RPS6KA2: variants seen among roughly 807,000 people sequenced by gnomAD.
RPS6KA2 encodes the protein ribosomal protein S6 kinase alpha-2.
RPS6KA2 carries 42 observed loss-of-function variants against 91.8 expected under a neutral mutation model. The ratio of observed to expected loss-of-function variants is 0.46; its 90% confidence interval spans 0.36 to 0.59. The LOEUF (loss-of-function observed/expected upper bound fraction) is 0.59, where lower values mean the gene tolerates loss of function less well. Ranked by LOEUF, RPS6KA2 falls within the 20% of genes least tolerant of loss-of-function variation. The probability of loss-of-function intolerance (pLI) is 0.00; values close to 1 mark genes in which losing one functional copy is unlikely to be tolerated. For synonymous variants in RPS6KA2, 414 were observed against 393.6 expected (o/e 1.05, Z -0.61); for missense variants, 798 against 978.5 (o/e 0.82, Z 2.46).
chr6:166,739,834 G>A (rs1003722121), intron 2 of RPS6KA2, among the ~76,000 whole-genome samples: 5 of 152,214 alleles, frequency 3.3e-5, no homozygotes, highest in African/African-American at 4.8e-5. Flanking sequence ...TCGTGGTCCC[G>A]TGGTATCAGG....
chr6:166,722,549 C>T (rs78971160), intron 2 of RPS6KA2, among the ~76,000 whole-genome samples: 1 of 152,170 alleles, frequency 6.6e-6, no homozygotes, highest in Non-Finnish European at 1.5e-5. Flanking sequence ...ACTTCCAAGA[C>T]TGGTGGCTGC....
chr6:166,635,087 C>T lies in RPS6KA2; in HGVS notation c.124-96303G>A, dbSNP rs963323868. Among the ~76,000 whole-genome samples the T allele has an allele frequency of 1.3e-5, 2 of 152,298 alleles. No homozygotes were observed. Among genetic ancestry groups the T allele is most frequent in the African/African-American group, 4.8e-5 (2 of 41,534 alleles). ...AAGACTTGTGATAACGGAGAGCCAACGGTAGTACGTGAAAGTGACCGTGTG... is the reference window on the plus strand; with the variant it reads ...AAGACTTGTGATAACGGAGAGCCAATGGTAGTACGTGAAAGTGACCGTGTG... On this transcript the variant is annotated intron_variant, in intron 2 of 21. Transcript: ENST00000503859. This position sits in a 1 kb window ranked among gnomAD's most constrained non-coding sequence, Gnocchi z 4.8.
At chr6:166,632,909 C>G (rs1393122479) in intron 2 of RPS6KA2, among the ~76,000 whole-genome samples, 2 of 152,092 alleles carry the variant, frequency 1.3e-5, no homozygotes, top group Non-Finnish European at 2.9e-5. Context: ...AACGTGGACT[C>G]AACATGGGCG....
At chr6:166,723,627 G>T (rs376141704) in intron 2 of RPS6KA2, among the ~76,000 whole-genome samples, 3 of 152,012 alleles carry the variant, frequency 2.0e-5, no homozygotes, top group Non-Finnish European at 4.4e-5. Flanking sequence ...AATAAAGTCC[G>T]AACTAACTCT....
intron 2 of RPS6KA2, among the ~76,000 whole-genome samples, chr6:166,772,724 C>T (rs1404013009): frequency 6.6e-6 from 1 of 152,212 alleles, no homozygotes. Context: ...CGCTACTAAG[C>T]CCGGCTGTCG....
At chr6:166,565,904 C>A (rs1443546315) in intron 1 of RPS6KA2, among the ~76,000 whole-genome samples, 2 of 152,214 alleles carry the variant, frequency 1.3e-5, no homozygotes, top group Non-Finnish European at 2.9e-5. Context: ...GCCAGCACTG[C>A]CAGGCAGCGA....
At chr6:166,846,548 G>C (rs9366064) in intron 2 of RPS6KA2, among the ~76,000 whole-genome samples, 112,629 of 152,164 alleles carry the variant, frequency 0.74, 42,786 homozygotes, top group Non-Finnish European at 0.83. Context: ...TGCAGGGATG[G>C]TTTAACATCC....
At chr6:166,636,288 C>A (rs1787239734) in intron 2 of RPS6KA2, among the ~76,000 whole-genome samples, 1 of 152,096 alleles carries the variant, frequency 6.6e-6, no homozygotes, top group Non-Finnish European at 1.5e-5. Flanking sequence ...CAGTACCTCC[C>A]TGCAGAGGCC....
chr6:166,665,564 C>T lies in RPS6KA2; in HGVS notation c.124-126780G>A, dbSNP rs1281951196. ...CAGGAAAGAACAAAGGGACAGCAGCCAGGGCACAGATGCAAACTACTTTCA... is the reference window on the plus strand; with the variant it reads ...CAGGAAAGAACAAAGGGACAGCAGCTAGGGCACAGATGCAAACTACTTTCA... On this transcript the variant is annotated intron_variant, in intron 2 of 21. Coordinates refer to the RPS6KA2 transcript ENST00000503859. This position sits in a 1 kb window ranked among gnomAD's most constrained non-coding sequence, Gnocchi z 4.5. 1.3e-5 allele frequency among the ~76,000 whole-genome samples: 2 copies of T among 152,150 alleles called. No homozygotes were observed. The highest frequency in any genetic ancestry group is 3.9e-4 in the East Asian group (2 of 5,186).
At chr6:166,804,774 T>G (rs1779450123) in intron 2 of RPS6KA2, among the ~76,000 whole-genome samples, 1 of 152,004 alleles carries the variant, frequency 6.6e-6, no homozygotes, top group Non-Finnish European at 1.5e-5. Context: ...TAAAATTTAT[T>G]CTCTTTTTGA....
At chr6:166,710,567 T>G (rs1562395432) in intron 2 of RPS6KA2, among the ~76,000 whole-genome samples, 1 of 152,050 alleles carries the variant, frequency 6.6e-6, no homozygotes, top group Non-Finnish European at 1.5e-5. Context: ...TCTGTGTGTG[T>G]GTCTATGCCA....
At chr6:166,816,664 T>G (rs989209944) in intron 2 of RPS6KA2, among the ~76,000 whole-genome samples, 1 of 152,190 alleles carries the variant, frequency 6.6e-6, no homozygotes, top group African/African-American at 2.4e-5. Flanking sequence ...ACAGAATGAC[T>G]CAGTTGTTAC....
At chr6:166,598,830 T>G (rs1785631332) in intron 1 of RPS6KA2, among the ~76,000 whole-genome samples, 1 of 152,236 alleles carries the variant, frequency 6.6e-6, no homozygotes, top group South Asian at 2.1e-4. Flanking sequence ...ACCTCCCTTC[T>G]TTCCTGCCTC....
At chr6:166,798,484 G>C (rs897920110) in intron 2 of RPS6KA2, among the ~76,000 whole-genome samples, 8 of 152,228 alleles carry the variant, frequency 5.3e-5, no homozygotes, top group Non-Finnish European at 8.8e-5. Flanking sequence ...TCCCCAGGGA[G>C]CCCCAAACAG....
intron 2 of RPS6KA2, among the ~76,000 whole-genome samples, chr6:166,819,607 G>A (rs1035308298): frequency 6.6e-6 from 1 of 152,004 alleles, no homozygotes; most frequent in African/African-American, 2.4e-5. Context: ...GGCACAGTAT[G>A]AGTATACTAT....
chr6:166,508,622 T>A lies in RPS6KA2; in HGVS notation c.380-340A>T, dbSNP rs1331951919. 6.6e-6 allele frequency among the ~76,000 whole-genome samples: 1 copy of A among 152,168 alleles called. No individual in the cohort carries two copies. Among genetic ancestry groups the A allele is most frequent in the East Asian group, 1.9e-4 (1 of 5,196 alleles). On this transcript the variant is annotated intron_variant, in intron 4 of 20. Transcript: ENST00000265678. This position sits in a 1 kb window ranked among gnomAD's most constrained non-coding sequence, Gnocchi z 4.3. ...AAGCTGGTATCGTTGCTGGCTTTTG[T>A]CGTAATGCATTAGTGAGCAGCCTGA...
At chr6:166,834,819 T>C (rs1391399334) in intron 2 of RPS6KA2, among the ~76,000 whole-genome samples, 2 of 76,604 alleles carry the variant, frequency 2.6e-5, no homozygotes, top group Non-Finnish European at 5.9e-5. Flanking sequence ...CTTTAGTTTG[T>C]ATGGCGTCCT....
At chr6:166,701,710 C>T (rs542144628) in intron 2 of RPS6KA2, 116 of 1,319,488 alleles carry the variant, frequency 8.8e-5, no homozygotes, top group Admixed American at 3.7e-4. Context: ...TGGGAACAGA[C>T]CCAAGGCGTT....
At chr6:166,669,363 C>A (rs950354716) in intron 2 of RPS6KA2, among the ~76,000 whole-genome samples, 6 of 152,194 alleles carry the variant, frequency 3.9e-5, no homozygotes, top group Admixed American at 3.3e-4. Context: ...TCTGCTCCCC[C>A]AGGCCATGTG....
Sources: allele counts gnomAD v4.1 joint callset (sites outside exome capture counted in the v4.1 genomes callset), GRCh38; gene constraint gnomAD v4.1.1; non-coding constraint Gnocchi (gnomAD v3.1); transcripts MANE v1.5; gene names NCBI Gene and HGNC (gene_info 2026-07-23, HGNC 2026-07-21).